BDP1: variants seen among roughly 807,000 people sequenced by gnomAD.
BDP1 encodes the protein BDP1 general transcription factor IIIB subunit.
A neutral mutation model predicts 266.6 loss-of-function variants in BDP1; 169 were observed. The observed-to-expected ratio is 0.63, with a 90% CI of 0.56 to 0.72. BDP1 has a LOEUF of 0.72. BDP1 is among the 30% of genes least tolerant of loss of function. BDP1 has a pLI of 0.00. For synonymous variants in BDP1, 1,090 were observed against 1,022.4 expected, an observed-to-expected ratio of 1.07 and a Z score of -1.26; for missense variants, 3,015 against 3,053.8, an observed-to-expected ratio of 0.99 and a Z score of 0.30.
intron 32 of BDP1, among the ~76,000 whole-genome samples, chr5:71,545,654 G>C: frequency 6.6e-6 from 1 of 152,106 alleles, no homozygotes; most frequent in Non-Finnish European, 1.5e-5. Context: ...TTAGTGTACA[G>C]TTCTTCAGGT....
intron 25 of BDP1, among the ~76,000 whole-genome samples, chr5:71,529,575 C>T (rs1766109474): frequency 6.6e-6 from 1 of 152,134 alleles, no homozygotes; most frequent in Admixed American, 6.5e-5. Flanking sequence ...TCTATAATCC[C>T]AGCTACTCAG....
chr5:71,549,665 C>A, intron 34 of BDP1, 59 bp downstream of exon 34: 1 of 1,378,468 alleles, frequency 7.3e-7, no homozygotes, highest in Non-Finnish European at 9.8e-7. Flanking sequence ...AACTAAGTAG[C>A]ATTGATTGAA....
chr5:71,530,333 C>G (rs1287649308), intron 25 of BDP1, among the ~76,000 whole-genome samples: 2 of 152,160 alleles, frequency 1.3e-5, no homozygotes, highest in Non-Finnish European at 2.9e-5. Flanking sequence ...CTCCCAGGCT[C>G]AAGCAATCCT....
chr5:71,555,202 C>T (rs755710969), intron 35 of BDP1, among the ~76,000 whole-genome samples: 4 of 152,020 alleles, frequency 2.6e-5, no homozygotes, highest in African/African-American at 4.8e-5. Context: ...TGATTTGTTG[C>T]GAATTTGATT....
chr5:71,545,424 C>A, intron 32 of BDP1: 1 of 536,952 alleles, frequency 1.9e-6, no homozygotes, highest in Non-Finnish European at 3.2e-6. Flanking sequence ...CTCTGCCACC[C>A]AGATTCAACA....
intron 32 of BDP1, among the ~76,000 whole-genome samples, chr5:71,548,414 T>C (rs1306025820): frequency 6.6e-6 from 1 of 152,158 alleles, no homozygotes; most frequent in Non-Finnish European, 1.5e-5. Context: ...GAGAAAAAGT[T>C]GTGGGGTTTG....
At chr5:71,477,469 C>T (rs909133814) in intron 7 of BDP1, among the ~76,000 whole-genome samples, 1 of 152,078 alleles carries the variant, frequency 6.6e-6, no homozygotes, top group Non-Finnish European at 1.5e-5. Flanking sequence ...TTAAATTCAC[C>T]TTACAGTGAA....
rs1561726623 is a variant in BDP1, at chr5:71,509,889, G to T, written c.2797G>T (p.Gly933Ter). 1 of 1,614,056 alleles carries T rather than the reference G, an allele frequency of 6.2e-7. No individual in the cohort carries two copies. The highest frequency in any genetic ancestry group is 8.5e-7 in the Non-Finnish European group (1 of 1,180,008). The part of the protein sequence containing the change: ...EEIDKDLEEA[G>*]RREISPQKNG... ...AATAGACAAAGATTTGGAAGAAGCT[G>T]GAAGAAGAGAAATATCCCCACAGAA... The change falls in exon 17 of 39, where the codon GGA becomes TGA. Residue 933 changes from glycine to a stop codon, truncating the protein, a stop_gained. Transcript: ENST00000358731. LOFTEE classifies it high-confidence loss of function.
chr5:71,574,417 C>T, the BDP1 span, among the ~76,000 whole-genome samples: 1 of 152,140 alleles, frequency 6.6e-6, no homozygotes, highest in Non-Finnish European at 1.5e-5. Flanking sequence ...GAGGGCATTC[C>T]CAGTTCAGAC....
chr5:71,489,502 G>A lies in BDP1; in HGVS notation c.1312G>A (p.Val438Ile). Reference sequence around the variant, plus strand: ...AAGATCTCAGAAGGATGCTCAGACAGTTGAAGAAGAGTCTCTGACCTTATC... The same window carrying A: ...AAGATCTCAGAAGGATGCTCAGACAATTGAAGAAGAGTCTCTGACCTTATC... ...TERSQKDAQTVEEESLTLSRE... is the reference protein window; with the variant it reads ...TERSQKDAQTIEEESLTLSRE... Residue 438 changes from valine (V) to isoleucine (I), a missense_variant, in exon 10 of 39, where the codon GTT becomes ATT. Coordinates refer to ENST00000358731, the MANE Select transcript of BDP1 (RefSeq NM_018429.3). 1 of 1,614,118 alleles carries A rather than the reference G, an allele frequency of 6.2e-7. No homozygotes were observed. The highest frequency in any genetic ancestry group is 8.5e-7 in the Non-Finnish European group (1 of 1,179,974).
intron 7 of BDP1, among the ~76,000 whole-genome samples, chr5:71,470,713 A>G (rs1762188745): frequency 6.6e-6 from 1 of 151,060 alleles, no homozygotes; most frequent in Non-Finnish European, 1.5e-5. Context: ...TCAGCATGTC[A>G]CATAGCTGGT....
In BDP1 at chr5:71,522,506, A is replaced by C. The variant is rs1765551751; in HGVS notation, c.5193+16A>C. 2.6e-6 allele frequency: 4 copies of C among 1,543,130 alleles called. No individual in the cohort carries two copies. The highest frequency in any genetic ancestry group is 3.5e-6 in the Non-Finnish European group (4 of 1,148,274). ...CCTTCTAAAAGTAAGTTTGGGCAAA[A>C]AAAAAAAAAAAATTTTTTTTCTCAA... On this transcript the variant is annotated intron_variant, in intron 23 of 38. Transcript: ENST00000358731.
chr5:71,510,248 G>A lies in BDP1; in HGVS notation c.3156G>A (p.Glu1052=). The A allele has an allele frequency of 6.2e-7, 1 of 1,613,886 alleles. No individual in the cohort carries two copies. Among genetic ancestry groups the A allele is most frequent in the South Asian group, 1.1e-5 (1 of 91,070 alleles). ...TATCCCCACAGGAAAATGGACTAGA[G>A]GAGGTCAAGCCTCTAGGTGAAATGG... ...REVSPQENGL[E]EVKPLGEMET... is the part of the protein sequence containing the mutation. Residue 1052 remains glutamate, a synonymous_variant, in exon 17 of 39, where the codon GAG becomes GAA. Transcript: ENST00000358731.
At chr5:71,508,432 A>G (rs1280241484) in intron 16 of BDP1, among the ~76,000 whole-genome samples, 8 of 151,004 alleles carry the variant, frequency 5.3e-5, no homozygotes, top group African/African-American at 1.9e-4. Flanking sequence ...AGCCTCCTGA[A>G]TAGCTGGGAC....
Position 71,566,748 on chromosome 5 carries a change from A to G in BDP1, c.*1863A>G, listed in dbSNP as rs1379029685. The G allele has an allele frequency of 1.3e-5, 2 of 152,206 alleles. No individual in the cohort carries two copies. The highest frequency in any genetic ancestry group is 3.8e-4 in the East Asian group (2 of 5,198). The allele number at this position is 152,206 out of a possible 1,614,324, so 9.4% of individuals were successfully genotyped here. On this transcript the variant is annotated 3_prime_UTR_variant, in exon 39 of 39. Coordinates refer to ENST00000358731, the MANE Select transcript of BDP1 (RefSeq NM_018429.3). ...CTTACCCTGAGGTGCTGATATCTGT[A>G]TGGATGAGTTATTTGTCACTAAAGT...
intron 26 of BDP1, 134 bp from the exon 27 acceptor site, chr5:71,538,907 TA>T: frequency 1.6e-6 from 1 of 621,578 alleles, no homozygotes; most frequent in Non-Finnish European, 2.8e-6. Flanking sequence ...TGTGAATAAT[TA>T]TAAATTAAGA....
intron 32 of BDP1, chr5:71,545,475 G>C: frequency 2.2e-6 from 1 of 454,542 alleles, no homozygotes; most frequent in Non-Finnish European, 3.8e-6. Context: ...GGGACTACAG[G>C]CATGTGTCAC....
rs771414705 is a variant in BDP1, at chr5:71,489,391, C to T, written c.1214-13C>T. The T allele has an allele frequency of 6.4e-7, 1 of 1,568,864 alleles. No homozygotes were observed. Among genetic ancestry groups the T allele is most frequent in the South Asian group, 1.2e-5 (1 of 83,428 alleles). On this transcript the variant is annotated splice_polypyrimidine_tract_variant and intron_variant, in intron 9 of 38. Transcript: ENST00000358731. ...GTTGTTTAAATATTTATAGTAATTT[C>T]TCTTGTTTTCAGTGAAAAAAGTTGC... is the stretch of plus-strand genomic sequence containing the variant.
Position 71,564,768 on chromosome 5 carries a change from GC to G in BDP1, c.7761del (p.Leu2588TyrfsTer2). The G allele has an allele frequency of 6.2e-7, 1 of 1,606,264 alleles. No individual in the cohort carries two copies. Among genetic ancestry groups the G allele is most frequent in the Non-Finnish European group, 8.5e-7 (1 of 1,178,280 alleles). ...TACCTTTTTAGGTTTCTTGTGATCA[GC>G]CCTTACTGAAAGAAGGATATAAAAG... Reference protein sequence around the residue: ...SSATQVSCDQPLLKEGYKSAQ... With the variant: ...SSATQVSCDQXLLKEGYKSAQ... On this transcript the variant is annotated frameshift_variant, in exon 39 of 39. Coordinates refer to ENST00000358731, the MANE Select transcript of BDP1 (RefSeq NM_018429.3). LOFTEE classifies it high-confidence loss of function.
Sources: allele counts gnomAD v4.1 joint callset (sites outside exome capture counted in the v4.1 genomes callset), GRCh38; gene constraint gnomAD v4.1.1; transcripts MANE v1.5; gene names NCBI Gene and HGNC (gene_info 2026-07-23, HGNC 2026-07-21).